ERMP1: variants seen among roughly 807,000 people sequenced by gnomAD.
The protein encoded by ERMP1 is endoplasmic reticulum metallopeptidase 1.
A neutral mutation model predicts 92.0 loss-of-function variants in ERMP1; 86 were observed. The ratio of observed to expected loss-of-function variants is 0.93; its 90% CI spans 0.79 to 1.12. The LOEUF (loss-of-function observed/expected upper bound fraction) is 1.12. Ranked by LOEUF, ERMP1 falls within the 50% of genes most tolerant of loss-of-function variation. The pLI is 0.00. For synonymous variants in ERMP1, 530 were observed against 412.8 expected (o/e 1.28, Z -3.44); for missense variants, 1,342 against 1,116.3 (o/e 1.20, Z -2.88).
chr9:5,850,400 C>A (rs1217246539), intron 6 of ERMP1, among the ~76,000 whole-genome samples: 3 of 34,088 alleles, frequency 8.8e-5, no homozygotes, highest in African/African-American at 3.0e-4. Flanking sequence ...AATGAAACTC[C>A]GTCTCAAAAA....
chr9:5,838,727 T>C (rs1830122885), intron 6 of ERMP1, among the ~76,000 whole-genome samples: 1 of 152,070 alleles, frequency 6.6e-6, no homozygotes, highest in African/African-American at 2.4e-5. Flanking sequence ...GAACGTCATA[T>C]ATTATTAAAC....
At chr9:5,849,763 G>T (rs1321909076) in intron 6 of ERMP1, among the ~76,000 whole-genome samples, 1 of 152,126 alleles carries the variant, frequency 6.6e-6, no homozygotes, top group Non-Finnish European at 1.5e-5. Context: ...TGGCATGTTT[G>T]GTTCTTATAG....
intron 7 of ERMP1, 41 bp downstream of exon 7, chr9:5,811,070 C>T (rs745534415): frequency 7.2e-7 from 1 of 1,379,952 alleles, no homozygotes; most frequent in Non-Finnish European, 1.0e-6. Context: ...GCACATTCTA[C>T]AGCAATGCCA....
At chr9:5,787,969 A>T (rs1444294081) in intron 13 of ERMP1, among the ~76,000 whole-genome samples, 1 of 152,238 alleles carries the variant, frequency 6.6e-6, no homozygotes, top group Non-Finnish European at 1.5e-5. Flanking sequence ...GACTGCCATT[A>T]TGAATGGAGT....
chr9:5,812,959 C>T lies in ERMP1; in HGVS notation c.951G>A (p.Glu317=), dbSNP rs776350077. 1.2e-6 allele frequency: 2 copies of T among 1,614,018 alleles called. No homozygotes were observed. The highest frequency in any genetic ancestry group is 1.7e-5 in the Admixed American group (1 of 60,024). The change falls in exon 5 of 15, where the codon GAG becomes GAA. Residue 317 remains glutamate (E), a synonymous_variant. Transcript: ENST00000339450. ...AAGGAATGATTCCACTCTGAAAAAC[C>T]TCCTGAGCCACCACAGAAGCAAAAG... is the stretch of plus-strand genomic sequence containing the variant. ...KHPFASVVAQ[E]VFQSGIIPSD... is the part of the protein sequence containing the mutation.
Position 5,841,493 on chromosome 9 carries a change from T to C in ERMP1, n.3200-8181A>G, listed in dbSNP as rs557508420. On this transcript the variant is annotated intron_variant and non_coding_transcript_variant, in intron 6 of 6. Transcript: ENST00000690753. Reference sequence around the variant, plus strand: ...TGCTTAAAAGGTATGGGGTTTCCTTTCTGGGTGAAGAAAATGTTTTGGGGC... The same window carrying C: ...TGCTTAAAAGGTATGGGGTTTCCTTCCTGGGTGAAGAAAATGTTTTGGGGC... 5.9e-5 allele frequency among the ~76,000 whole-genome samples: 9 copies of C among 152,258 alleles called. No homozygotes were observed. In the East Asian group the frequency reaches 1.7e-3, roughly 29 times the overall value.
At chr9:5,835,874 A>G (rs1203040560), upstream of ERMP1, among the ~76,000 whole-genome samples, 1 of 152,248 alleles carries the variant, frequency 6.6e-6, no homozygotes, top group Non-Finnish European at 1.5e-5. Flanking sequence ...AGTTTGATCT[A>G]TAATTTTATT....
chr9:5,818,144 A>T (rs1225125659), intron 4 of ERMP1, among the ~76,000 whole-genome samples: 3 of 151,794 alleles, frequency 2.0e-5, no homozygotes, highest in Non-Finnish European at 4.4e-5. Flanking sequence ...TAGATGACAA[A>T]GCAAGATCCT....
upstream of ERMP1, among the ~76,000 whole-genome samples, chr9:5,833,682 A>C (rs1330758128): frequency 6.6e-6 from 1 of 152,252 alleles, no homozygotes; most frequent in Non-Finnish European, 1.5e-5. Flanking sequence ...ATTATCTTTA[A>C]CAATACTTAA....
At chr9:5,860,208 G>C (rs1039624856) in intron 5 of ERMP1, among the ~76,000 whole-genome samples, 3 of 151,712 alleles carry the variant, frequency 2.0e-5, no homozygotes, top group Admixed American at 6.6e-5. Context: ...GGGAGGCTGA[G>C]TCAGGAGGAT....
intron 6 of ERMP1, among the ~76,000 whole-genome samples, chr9:5,839,017 G>T (rs1179854087): frequency 1.3e-5 from 2 of 152,148 alleles, no homozygotes; most frequent in Admixed American, 1.3e-4. Flanking sequence ...CTGTGCCTAG[G>T]AAGGCACTTG....
At position 5,796,695 on chromosome 9, in the gene ERMP1, A is replaced by C. The variant is rs547805605; in HGVS notation, c.2386+1122T>G. Among the ~76,000 whole-genome samples, 3 of 152,310 alleles carry C rather than the reference A, an allele frequency of 2.0e-5. No individual in the cohort carries two copies. In the East Asian group the frequency reaches 5.8e-4, roughly 29 times the overall value. ...AAGGCAAAGCTACAGAGATAATAAA[A>C]AGACCAATGGTTGCTAAGGAGAGTG... On this transcript the variant is annotated intron_variant, in intron 13 of 14. Transcript: ENST00000339450.
chr9:5,832,664 C>G, intron 1 of ERMP1, 26 bp downstream of exon 1: 1 of 1,376,168 alleles, frequency 7.3e-7, no homozygotes, highest in Non-Finnish European at 9.3e-7. Context: ...GACGCGCGGG[C>G]CGTGCCAGGA....
intron 10 of ERMP1, among the ~76,000 whole-genome samples, chr9:5,803,781 C>T (rs1171102021): frequency 2.0e-5 from 3 of 152,154 alleles, no homozygotes; most frequent in Non-Finnish European, 2.9e-5. Context: ...CATTTTAGAA[C>T]TTTTCATACA....
chr9:5,812,967 C>A lies in ERMP1; in HGVS notation c.943G>T (p.Ala315Ser). 6.2e-7 allele frequency: 1 copy of A among 1,614,018 alleles called. No homozygotes were observed. The highest frequency in any genetic ancestry group is 8.5e-7 in the Non-Finnish European group (1 of 1,179,918). The change falls in exon 5 of 15, where the codon GCT becomes TCT. Residue 315 changes from alanine (A) to serine (S), a missense_variant. By Grantham distance (99) the Ala-to-Ser change is moderately conservative. Transcript: ENST00000339450. ...ATTCCACTCTGAAAAACCTCCTGAG[C>A]CACCACAGAAGCAAAAGGGTGTTTA... ...AAKHPFASVV[A>S]QEVFQSGIIP...
chr9:5,795,358 G>A (rs1828376443), intron 13 of ERMP1, among the ~76,000 whole-genome samples: 1 of 152,144 alleles, frequency 6.6e-6, no homozygotes, highest in Middle Eastern at 3.2e-3. Context: ...CTCTCACAAC[G>A]CCTTGTCAAA....
At chr9:5,807,834 C>A (rs2131231282) in intron 8 of ERMP1, among the ~76,000 whole-genome samples, 1 of 152,276 alleles carries the variant, frequency 6.6e-6, no homozygotes, top group South Asian at 2.1e-4. Context: ...ATCTCGCCTC[C>A]CCTATATTCT....
Position 5,833,032 on chromosome 9 carries a change from A to G in ERMP1, c.-5T>C. 6.6e-7 allele frequency: 1 copy of G among 1,508,938 alleles called. No individual in the cohort carries two copies. The highest frequency in any genetic ancestry group is 2.6e-5 in the East Asian group (1 of 37,912). The allele number at this position is 1,508,938 out of a possible 1,614,324, so 93.5% of individuals were successfully genotyped here. A position where few individuals can be genotyped will look rare whatever the true frequency, so the allele number is the denominator to read the frequency against. ...CGACTCAGAACCCCACTCCATGGCC[A>G]CGAGCCTCAGCTGCCAGCCCAACCG... is the stretch of plus-strand genomic sequence containing the variant. On this transcript the variant is annotated 5_prime_UTR_variant, in exon 1 of 15. Coordinates refer to ENST00000339450, the MANE Select transcript of ERMP1 (RefSeq NM_024896.3).
At chr9:5,833,142 G>A (rs1471536957), upstream of ERMP1, 2 of 974,658 alleles carry the variant, frequency 2.1e-6, no homozygotes, top group South Asian at 4.0e-5. Flanking sequence ...AACTGCAGAG[G>A]GCCAAACTTC....
Sources: allele counts gnomAD v4.1 joint callset (sites outside exome capture counted in the v4.1 genomes callset), GRCh38; gene constraint gnomAD v4.1.1; transcripts MANE v1.5; gene names NCBI Gene and HGNC (gene_info 2026-07-23, HGNC 2026-07-21).